Variants in HSPBAP1 observed in about 807,000 individuals in gnomAD.
HSPBAP1 encodes HSPB1 associated protein 1.
Under a neutral mutation model 45.2 loss-of-function variants are expected in HSPBAP1, and 27 were observed. The ratio of observed to expected loss-of-function variants is 0.60; its 90% CI spans 0.44 to 0.82. The LOEUF (loss-of-function observed/expected upper bound fraction) is 0.82, where lower values mean the gene tolerates loss of function less well. HSPBAP1 is among the 40% of genes least tolerant of loss of function. The probability of loss-of-function intolerance (pLI) is 0.00; values close to 1 mark genes in which losing one functional copy is unlikely to be tolerated. For synonymous variants in HSPBAP1, 204 were observed against 202.7 expected, an observed-to-expected ratio of 1.01 and a Z score of -0.06; for missense variants, 510 against 590.9, an observed-to-expected ratio of 0.86 and a Z score of 1.42.
intron 1 of HSPBAP1, among the ~76,000 whole-genome samples, chr3:122,779,605 T>A (rs1935336314): frequency 6.6e-6 from 1 of 151,418 alleles, no homozygotes; most frequent in African/African-American, 2.4e-5. Context: ...GGTCAGCAGA[T>A]AAACAAGTGA....
Position 122,741,059 on chromosome 3 carries a change from C to A in HSPBAP1, c.880G>T (p.Ala294Ser). 1 of 1,614,152 alleles carries A rather than the reference C, an allele frequency of 6.2e-7. No individual in the cohort carries two copies. Among genetic ancestry groups the A allele is most frequent in the Non-Finnish European group, 8.5e-7 (1 of 1,180,006 alleles). Reference protein sequence around the residue: ...EEAITRMLVCALKTAENPQNT... With the variant: ...EEAITRMLVCSLKTAENPQNT... ...TGTGGATTCTCTGCAGTTTTCAGGG[C>A]ACACACAAGCATACGGGTGATTGCC... Residue 294 changes from alanine (A) to serine (S), a missense_variant, in exon 7 of 8, where the codon GCC becomes TCC. Physicochemically the swap from Ala to Ser is moderately conservative, Grantham distance 99. Transcript: ENST00000306103.
chr3:122,787,254 A>G (rs1227285239), intron 1 of HSPBAP1, among the ~76,000 whole-genome samples: 1 of 152,238 alleles, frequency 6.6e-6, no homozygotes, highest in African/African-American at 2.4e-5. Flanking sequence ...AACATCATCA[A>G]AAATAAATTG....
At chr3:122,743,782 A>G (rs1379698392) in intron 6 of HSPBAP1, among the ~76,000 whole-genome samples, 1 of 152,182 alleles carries the variant, frequency 6.6e-6, no homozygotes, top group East Asian at 1.9e-4. Flanking sequence ...TTGTTTAAAC[A>G]AGAGAATGAG....
At position 122,752,692 on chromosome 3, in the gene HSPBAP1, A is replaced by G. The variant is rs778092880; in HGVS notation, c.742-18T>C. The stretch of plus-strand genomic sequence containing the variant: ...AAGAGAACCTGAAAACCAAACAAAG[A>G]ATGGTTAGCACAAGAACAGGACGTT... On this transcript the variant is annotated intron_variant, in intron 5 of 7. Transcript: ENST00000306103. 6.3e-7 allele frequency: 1 copy of G among 1,575,058 alleles called. No homozygotes were observed. Among genetic ancestry groups the G allele is most frequent in the Non-Finnish European group, 8.7e-7 (1 of 1,155,510 alleles).
At chr3:122,768,905 C>T in intron 2 of HSPBAP1, 23 bp from the exon 3 acceptor site, 4 of 1,454,914 alleles carry the variant, frequency 2.7e-6, no homozygotes, top group Non-Finnish European at 3.8e-6. Flanking sequence ...AGAATGCAAC[C>T]TTAAATGTAT....
In HSPBAP1 at chr3:122,740,252, A is replaced by G; in HGVS notation, c.*93T>C. The G allele has an allele frequency of 2.6e-6, 2 of 757,034 alleles. No individual in the cohort carries two copies. Among genetic ancestry groups the G allele is most frequent in the Non-Finnish European group, 3.9e-6 (2 of 511,604 alleles). 46.9% of individuals were successfully genotyped at this position (757,034 alleles called of 1,614,324 possible). A position where few individuals can be genotyped will look rare whatever the true frequency, so the allele number is the denominator to read the frequency against. On this transcript the variant is annotated 3_prime_UTR_variant, in exon 8 of 8. Transcript: ENST00000306103. ...GATAAATACATTTACAAATGTGCAA[A>G]CTGACCTTTTGCTGGTTCATCTTTA...
At chr3:122,770,438 C>T (rs537635757) in intron 2 of HSPBAP1, among the ~76,000 whole-genome samples, 12 of 152,288 alleles carry the variant, frequency 7.9e-5, no homozygotes, top group African/African-American at 2.6e-4. Flanking sequence ...GTGGAACATG[C>T]CTATAATCCC....
rs562727901 is a variant in HSPBAP1, at chr3:122,792,856, C to T, written c.64+761G>A. ...ACTGCACTCCAGCCTGGTGACAGAGCGAGACTCCGTCTCAAAAAAAGAAAA... is the reference window on the plus strand; with the variant it reads ...ACTGCACTCCAGCCTGGTGACAGAGTGAGACTCCGTCTCAAAAAAAGAAAA... On this transcript the variant is annotated intron_variant, in intron 1 of 7. Transcript: ENST00000306103. Among the ~76,000 whole-genome samples, 6 of 144,752 alleles carry T rather than the reference C, an allele frequency of 4.1e-5. No homozygotes were observed. The East Asian group carries it at 1.2e-3, about 30-fold the overall frequency. The allele number at this position is 144,752 out of a possible 152,430, so 95.0% of individuals were successfully genotyped here.
intron 1 of HSPBAP1, among the ~76,000 whole-genome samples, chr3:122,791,293 C>A (rs538377745): frequency 4.4e-4 from 67 of 152,192 alleles, no homozygotes; most frequent in Admixed American, 1.2e-3. Flanking sequence ...GTCTAGATTC[C>A]TTAACTAGGC....
intron 5 of HSPBAP1, chr3:122,753,217 C>T (rs1032918760): frequency 2.7e-5 from 6 of 219,820 alleles, no homozygotes; most frequent in Non-Finnish European, 4.6e-5. Flanking sequence ...GTGATTTGAA[C>T]CCGGGCTAGG....
intron 1 of HSPBAP1, among the ~76,000 whole-genome samples, chr3:122,791,443 G>T (rs949723398): frequency 2.6e-5 from 4 of 152,236 alleles, no homozygotes; most frequent in African/African-American, 9.6e-5. Flanking sequence ...ACAAACATGT[G>T]GCATGTGCCA....
chr3:122,773,098 G>T (rs1935059544), intron 2 of HSPBAP1, among the ~76,000 whole-genome samples: 1 of 151,854 alleles, frequency 6.6e-6, no homozygotes, highest in Non-Finnish European at 1.5e-5. Context: ...TGATGCTTCT[G>T]TCTAGGCCTC....
At chr3:122,771,084 G>T (rs1934976722) in intron 2 of HSPBAP1, among the ~76,000 whole-genome samples, 1 of 152,194 alleles carries the variant, frequency 6.6e-6, no homozygotes, top group South Asian at 2.1e-4. Flanking sequence ...AGCAAGCTCT[G>T]CACATTAAAA....
chr3:122,754,029 G>T, intron 5 of HSPBAP1: 1 of 335,996 alleles, frequency 3.0e-6, no homozygotes, highest in African/African-American at 2.2e-5. Context: ...ATACAATGCT[G>T]GTGGGAATGC....
intron 1 of HSPBAP1, among the ~76,000 whole-genome samples, chr3:122,787,336 G>A (rs1277061018): frequency 2.0e-5 from 3 of 152,102 alleles, no homozygotes; most frequent in Non-Finnish European, 2.9e-5. Context: ...CTCTGAGAAC[G>A]CCAACTATCT....
chr3:122,756,716 A>C (rs1262075975), intron 4 of HSPBAP1, among the ~76,000 whole-genome samples: 1 of 151,856 alleles, frequency 6.6e-6, no homozygotes, highest in Non-Finnish European at 1.5e-5. Flanking sequence ...AAAAAAAAAA[A>C]ATTCATTTCG....
At chr3:122,781,041 G>A (rs1935446956) in intron 1 of HSPBAP1, among the ~76,000 whole-genome samples, 2 of 151,224 alleles carry the variant, frequency 1.3e-5, no homozygotes, top group Non-Finnish European at 1.5e-5. Flanking sequence ...TGGGATGGCG[G>A]CCGGGCAGAG....
intron 2 of HSPBAP1, among the ~76,000 whole-genome samples, chr3:122,772,695 AT>A (rs1935043481): frequency 6.6e-6 from 1 of 152,144 alleles, no homozygotes; most frequent in African/African-American, 2.4e-5. Flanking sequence ...ATATTTCTCT[AT>A]TTTCAGGATA....
intron 6 of HSPBAP1, among the ~76,000 whole-genome samples, chr3:122,751,324 A>G (rs1278582822): frequency 2.6e-5 from 4 of 152,324 alleles, no homozygotes; most frequent in Non-Finnish European, 5.9e-5. Flanking sequence ...GGTGGGTTCA[A>G]TTATAATCCT....
Sources: allele counts gnomAD v4.1 joint callset (sites outside exome capture counted in the v4.1 genomes callset), GRCh38; gene constraint gnomAD v4.1.1; transcripts MANE v1.5; gene names NCBI Gene and HGNC (gene_info 2026-07-23, HGNC 2026-07-21).